The following KAZN variants were observed in gnomAD, a reference collection of about 807,000 sequenced individuals.
KAZN encodes kazrin, periplakin interacting protein, also known as kazrin.
KAZN carries 40 observed loss-of-function variants against 87.4 expected under a neutral mutation model. The ratio of observed to expected loss-of-function variants is 0.46; its 90% CI spans 0.36 to 0.60. The LOEUF (loss-of-function observed/expected upper bound fraction) is 0.60. KAZN is among the 20% of genes least tolerant of loss of function. KAZN has a pLI of 0.00. For synonymous variants in KAZN, 466 were observed against 458.3 expected, an observed-to-expected ratio of 1.02 and a Z score of -0.22; for missense variants, 898 against 1,073.9, an observed-to-expected ratio of 0.84 and a Z score of 2.29.
intron 2 of KAZN, among the ~76,000 whole-genome samples, chr1:14,360,732 A>G (rs1659432634): frequency 6.6e-6 from 1 of 151,792 alleles, no homozygotes; most frequent in South Asian, 2.1e-4. Flanking sequence ...TTGGAGGTTC[A>G]CTCCAGACCC....
rs148824601 is a variant in KAZN, at chr1:14,699,963, G to A, written c.226+100740G>A. Among the ~76,000 whole-genome samples the A allele has an allele frequency of 2.6e-3, 400 of 152,304 alleles. 2 individuals are homozygous for A. Among genetic ancestry groups the A allele is most frequent in the African/African-American group, 9.0e-3 (372 of 41,546 alleles). ...AAGCTCTAGAGAGTGCGCAGTCCAG[G>A]CAGAGGAAATTGCACGTGCAAAGGC... is the stretch of plus-strand genomic sequence containing the variant. On this transcript the variant is annotated intron_variant, in intron 1 of 14. Transcript: ENST00000376030.
rs561395978 is a variant in KAZN, at chr1:14,111,688, G to A, written c.92-68747G>A. On this transcript the variant is annotated intron_variant, in intron 1 of 16. Transcript: ENST00000636203. Reference sequence around the variant, plus strand: ...GGCATTGAAAGTCCTGCACACCTGCGTTGTCTCTGGACTCCACACCTGATG... The same window carrying A: ...GGCATTGAAAGTCCTGCACACCTGCATTGTCTCTGGACTCCACACCTGATG... 7.6e-5 allele frequency among the ~76,000 whole-genome samples: 10 copies of A among 131,840 alleles called. 3 individuals are homozygous for A. Among genetic ancestry groups the A allele is most frequent in the African/African-American group, 1.8e-4 (6 of 33,614 alleles). 86.5% of individuals were successfully genotyped at this position (131,840 alleles called of 152,430 possible). A position where few individuals can be genotyped will look rare whatever the true frequency, so the allele number is the denominator to read the frequency against.
intron 1 of KAZN, among the ~76,000 whole-genome samples, chr1:14,835,164 A>G (rs1324189743): frequency 6.6e-6 from 1 of 152,214 alleles, no homozygotes. Flanking sequence ...TGTAATTCCT[A>G]TCAACTGTGA....
chr1:15,000,286 A>C (rs1230708859), intron 2 of KAZN, among the ~76,000 whole-genome samples: 2 of 151,668 alleles, frequency 1.3e-5, no homozygotes. Flanking sequence ...ATTCTCCCCT[A>C]TAGCCTCCGG....
intron 2 of KAZN, among the ~76,000 whole-genome samples, chr1:14,195,271 G>C (rs1471347125): frequency 6.6e-6 from 1 of 151,994 alleles, no homozygotes; most frequent in Non-Finnish European, 1.5e-5. Context: ...CAGAGCCCAG[G>C]AATTGGCACT....
At chr1:14,442,712 T>C (rs1479443002) in intron 2 of KAZN, among the ~76,000 whole-genome samples, 1 of 152,202 alleles carries the variant, frequency 6.6e-6, no homozygotes, top group Non-Finnish European at 1.5e-5. Context: ...AAATTTCCAT[T>C]TGGGGGCTGA....
intron 1 of KAZN, among the ~76,000 whole-genome samples, chr1:14,947,684 C>CCAGCCCCT (rs1471199595): frequency 2.9e-5 from 1 of 34,772 alleles, no homozygotes; most frequent in Non-Finnish European, 4.9e-5. Context: ...CTTGAACAAA[C>CCAGCCCCT]CTGTTGAAGC....
intron 1 of KAZN, among the ~76,000 whole-genome samples, chr1:14,850,075 A>G (rs1232729215): frequency 6.6e-6 from 1 of 151,918 alleles, no homozygotes; most frequent in East Asian, 1.9e-4. Context: ...AGCTGGGACT[A>G]CAGGTGTACG....
intron 3 of KAZN, among the ~76,000 whole-genome samples, chr1:15,041,916 AT>A (rs1381568505): frequency 6.6e-6 from 1 of 152,200 alleles, no homozygotes; most frequent in African/African-American, 2.4e-5. Flanking sequence ...CATCTGTGAC[AT>A]AGGGATAATC....
chr1:14,377,365 G>A (rs1297209456), intron 2 of KAZN, among the ~76,000 whole-genome samples: 21 of 152,236 alleles, frequency 1.4e-4, no homozygotes, highest in Admixed American at 1.4e-3. Flanking sequence ...CACCACATCA[G>A]TGGAAAGACG....
intron 2 of KAZN, among the ~76,000 whole-genome samples, chr1:14,588,625 A>G (rs1196546123): frequency 2.0e-5 from 3 of 152,230 alleles, no homozygotes; most frequent in African/African-American, 7.2e-5. Context: ...TAATTTGCAC[A>G]AAGGTGTCCG....
intron 1 of KAZN, among the ~76,000 whole-genome samples, chr1:14,070,921 G>C (rs1235976516): frequency 6.6e-6 from 1 of 152,172 alleles, no homozygotes; most frequent in Admixed American, 6.5e-5. Context: ...GCAGAGAGTG[G>C]AAGGACAGAG....
rs574010703 is a variant in KAZN, at chr1:15,080,222, G to A, written c.1223-13958G>A. 3.9e-5 allele frequency among the ~76,000 whole-genome samples: 6 copies of A among 152,324 alleles called. No homozygotes were observed. In the South Asian group the frequency reaches 8.3e-4, roughly 21 times the overall value. On this transcript the variant is annotated intron_variant, in intron 8 of 14. Transcript: ENST00000376030. Reference sequence around the variant, plus strand: ...GACGGTGGCACCAAAATGAGGGGGCGCCCATGTGATTTTTTAAAAGTATAA... The same window carrying A: ...GACGGTGGCACCAAAATGAGGGGGCACCCATGTGATTTTTTAAAAGTATAA...
intron 1 of KAZN, among the ~76,000 whole-genome samples, chr1:14,116,473 A>G (rs1644620914): frequency 6.6e-6 from 1 of 152,224 alleles, no homozygotes; most frequent in East Asian, 1.9e-4. Flanking sequence ...GCCAGTGCAC[A>G]GAAGTCAAGA....
At chr1:14,854,011 AC>A (rs1282715823) in intron 1 of KAZN, among the ~76,000 whole-genome samples, 1 of 152,140 alleles carries the variant, frequency 6.6e-6, no homozygotes, top group East Asian at 1.9e-4. Context: ...TCAGGCAGGG[AC>A]AATGTACATG....
Position 14,107,046 on chromosome 1 carries a change from T to TTC in KAZN, c.92-73389_92-73388insTC, listed in dbSNP as rs1557480703. Reference sequence around the variant, plus strand: ...CTCTCCCTCCCTCCCTCCCTTCCTTTCTTCCTTCCTTCCTTCCTTCCTTCA... The same window carrying TTC: ...CTCTCCCTCCCTCCCTCCCTTCCTTTTCCTTCCTTCCTTCCTTCCTTCCTTCA... On this transcript the variant is annotated intron_variant, in intron 1 of 16. Transcript: ENST00000636203. Among the ~76,000 whole-genome samples the TTC allele has an allele frequency of 1.1e-4, 13 of 115,556 alleles. 1 individual carries two copies. The highest frequency in any genetic ancestry group is 7.2e-4 in the South Asian group (2 of 2,762). The allele number at this position is 115,556 out of a possible 152,430, so 75.8% of individuals were successfully genotyped here.
chr1:14,886,019 C>A (rs1027085537), intron 1 of KAZN, among the ~76,000 whole-genome samples: 1 of 152,084 alleles, frequency 6.6e-6, no homozygotes, highest in African/African-American at 2.4e-5. Flanking sequence ...TAACACCCCC[C>A]GCCCCACCCC....
At chr1:15,000,040 G>A (rs1006584064) in intron 2 of KAZN, among the ~76,000 whole-genome samples, 6 of 152,138 alleles carry the variant, frequency 3.9e-5, no homozygotes, top group Non-Finnish European at 8.8e-5. Context: ...CAGCTGTGAC[G>A]GAGGATCTTG....
chr1:14,002,142 A>C (rs1639821482), intron 1 of KAZN, among the ~76,000 whole-genome samples: 1 of 152,256 alleles, frequency 6.6e-6, no homozygotes, highest in African/African-American at 2.4e-5. Flanking sequence ...AAGGAACTTA[A>C]AGAAATTTAC....
Sources: gnomAD v4.1 joint callset for allele counts (sites outside exome capture counted in the v4.1 genomes callset) on GRCh38, gnomAD v4.1.1 for gene constraint, MANE v1.5 for transcripts, NCBI Gene and HGNC (gene_info 2026-07-23, HGNC 2026-07-21) for gene names.